The following RPH3AL variants were observed in gnomAD, a reference collection of about 807,000 sequenced individuals.
RPH3AL encodes the protein rab effector Noc2.
RPH3AL carries 38 observed loss-of-function variants against 43.1 expected under a neutral mutation model. That is an observed-to-expected ratio of 0.88 (90% CI 0.68 to 1.15). The LOEUF is 1.15. Among genes scored for constraint, RPH3AL ranks in the 50% most tolerant of loss-of-function variants. RPH3AL has a pLI of 0.00. For missense variants in RPH3AL, 462 were observed against 423.2 expected, an observed-to-expected ratio of 1.09 and a Z score of -0.81; for synonymous variants, 189 against 176.3, an observed-to-expected ratio of 1.07 and a Z score of -0.57.
At chr17:319,781 A>T (rs1237921733) in intron 4 of RPH3AL, among the ~76,000 whole-genome samples, 2 of 147,970 alleles carry the variant, frequency 1.4e-5, no homozygotes, top group Non-Finnish European at 3.0e-5. Flanking sequence ...CCAGAGACAG[A>T]CATGGTCCCT....
intron 6 of RPH3AL, among the ~76,000 whole-genome samples, chr17:269,458 T>G (rs2151585203): frequency 6.6e-6 from 1 of 152,324 alleles, no homozygotes; most frequent in African/African-American, 2.4e-5. Flanking sequence ...TCCAAGGGCC[T>G]CGAACAGTGC....
intron 7 of RPH3AL, among the ~76,000 whole-genome samples, chr17:220,208 T>A (rs2040928277): frequency 6.7e-6 from 1 of 149,792 alleles, no homozygotes; most frequent in Non-Finnish European, 1.5e-5. Context: ...CTCCACTCAC[T>A]GAGACAATAG....
At chr17:350,777 C>T (rs2045338695) in intron 1 of RPH3AL, among the ~76,000 whole-genome samples, 1 of 152,208 alleles carries the variant, frequency 6.6e-6, no homozygotes, top group Non-Finnish European at 1.5e-5. Context: ...CCTCTGACCG[C>T]AGGCCCTGAT....
chr17:319,308 A>G, intron 5 of RPH3AL, 112 bp downstream of exon 5: 1 of 1,300,840 alleles, frequency 7.7e-7, no homozygotes, highest in Admixed American at 2.4e-5. Flanking sequence ...AGAGGATACC[A>G]CATGCCCAAC....
intron 2 of RPH3AL, chr17:331,761 G>T: frequency 1.6e-6 from 2 of 1,289,148 alleles, no homozygotes; most frequent in African/African-American, 3.0e-5. Flanking sequence ...CACCTCTTGG[G>T]CTCAGAGGGC....
At position 283,672 on chromosome 17, in the gene RPH3AL, G is replaced by A. The variant is rs997524618; in HGVS notation, c.352-1818C>T. ...AGCTCTCATGACCCCATGAGAGGGA[G>A]TGGGAGCATGTGGTCATATCTGTGC... On this transcript the variant is annotated intron_variant, in intron 5 of 9. Coordinates refer to ENST00000331302, the MANE Select transcript of RPH3AL (RefSeq NM_006987.4). This position sits in a 1 kb window ranked among gnomAD's most constrained non-coding sequence, Gnocchi z 4.2. 1.3e-5 allele frequency among the ~76,000 whole-genome samples: 2 copies of A among 152,124 alleles called. No homozygotes were observed. The highest frequency in any genetic ancestry group is 4.8e-5 in the African/African-American group (2 of 41,426).
chr17:223,967 C>T (rs2041051644), intron 7 of RPH3AL, among the ~76,000 whole-genome samples: 1 of 152,118 alleles, frequency 6.6e-6, no homozygotes, highest in African/African-American at 2.4e-5. Flanking sequence ...AAGGGTGCAC[C>T]CCCAGCAGAG....
rs2045252165 is a variant in RPH3AL, at chr17:347,131, A to G, written c.-213+5581T>C. Among the ~76,000 whole-genome samples the G allele has an allele frequency of 6.0e-5, 8 of 134,378 alleles. 2 individuals are homozygous for G. 88.2% of individuals were successfully genotyped at this position (134,378 alleles called of 152,430 possible). A position where few individuals can be genotyped will look rare whatever the true frequency, so the allele number is the denominator to read the frequency against. ...AAATTAGCCAGGCATGGTGGCAGGC[A>G]CCTGTAGTCCCAGCTATTCAGGAGG... On this transcript the variant is annotated intron_variant, in intron 1 of 9. Coordinates refer to ENST00000331302, the MANE Select transcript of RPH3AL (RefSeq NM_006987.4).
intron 7 of RPH3AL, among the ~76,000 whole-genome samples, chr17:238,006 G>A (rs1359349421): frequency 6.6e-6 from 1 of 152,136 alleles, no homozygotes; most frequent in Non-Finnish European, 1.5e-5. Flanking sequence ...AAATTAGCAG[G>A]TGCGGTGGTA....
chr17:274,255 G>A lies in RPH3AL; in HGVS notation c.438+7513C>T, dbSNP rs1204328498. Reference sequence around the variant, plus strand: ...CCAGCCCGGGGCCTCTGACAGCTCAGCACCAGGCTCCACATCAGGTGAGGG... The same window carrying A: ...CCAGCCCGGGGCCTCTGACAGCTCAACACCAGGCTCCACATCAGGTGAGGG... On this transcript the variant is annotated intron_variant, in intron 6 of 9. Coordinates refer to ENST00000331302, the MANE Select transcript of RPH3AL (RefSeq NM_006987.4). The surrounding 1 kb of genome is among the most constrained non-coding windows in gnomAD (Gnocchi z 4.7). Among the ~76,000 whole-genome samples, 1 of 152,240 alleles carries A rather than the reference G, an allele frequency of 6.6e-6. No individual in the cohort carries two copies. The highest frequency in any genetic ancestry group is 1.5e-5 in the Non-Finnish European group (1 of 68,040).
At chr17:334,762 C>A (rs1598156048) in intron 1 of RPH3AL, among the ~76,000 whole-genome samples, 1 of 97,340 alleles carries the variant, frequency 1.0e-5, no homozygotes, top group Admixed American at 1.2e-4. Context: ...CCCCCAGGGC[C>A]AGCCCATCCA....
At chr17:324,753 T>G (rs2044576580) in intron 3 of RPH3AL, among the ~76,000 whole-genome samples, 1 of 143,508 alleles carries the variant, frequency 7.0e-6, no homozygotes, top group African/African-American at 2.6e-5. Flanking sequence ...TGAGACAGAG[T>G]CTCGGTCTGT....
intron 6 of RPH3AL, among the ~76,000 whole-genome samples, chr17:250,182 A>C: frequency 7.5e-6 from 1 of 133,702 alleles, no homozygotes; most frequent in Non-Finnish European, 1.6e-5. Flanking sequence ...AGCCTTTACT[A>C]AGCTCCATCG....
chr17:259,705 C>T (rs1567592976), intron 6 of RPH3AL, among the ~76,000 whole-genome samples: 1 of 152,214 alleles, frequency 6.6e-6, no homozygotes, highest in African/African-American at 2.4e-5. Flanking sequence ...GACCCACAGC[C>T]GCCGTGGCGG....
At chr17:223,472 C>T (rs8078223) in intron 7 of RPH3AL, among the ~76,000 whole-genome samples, 75,340 of 151,898 alleles carry the variant, frequency 0.5, 18,952 homozygotes, top group African/African-American at 0.55. Flanking sequence ...GCTCTTATGC[C>T]AGGCACTTTG....
rs182580670 is a variant in RPH3AL at position 272,607 on chromosome 17, G to A, written c.438+9161C>T. On this transcript the variant is annotated intron_variant, in intron 6 of 9. Transcript: ENST00000331302. ...ACATCACACTCCAGGGACTGTTGTG[G>A]GGTGGGGGGAGGGGGGAGGGATAGC... Among the ~76,000 whole-genome samples, 144 of 102,288 alleles carry A rather than the reference G, an allele frequency of 1.4e-3. 1 individual carries two copies. Among genetic ancestry groups the A allele is most frequent in the African/African-American group, 4.5e-3 (116 of 25,938 alleles). 67.1% of individuals were successfully genotyped at this position (102,288 alleles called of 152,430 possible).
intron 6 of RPH3AL, among the ~76,000 whole-genome samples, chr17:251,422 C>T (rs536386501): frequency 1.3e-5 from 2 of 152,334 alleles, no homozygotes; most frequent in South Asian, 4.1e-4. Context: ...AACTGAGGCT[C>T]CAACAAGTTC....
intron 4 of RPH3AL, 145 bp downstream of exon 4, chr17:321,127 G>T: frequency 4.9e-6 from 5 of 1,025,964 alleles, no homozygotes; most frequent in South Asian, 4.7e-5. Flanking sequence ...GCACCCTTCA[G>T]CAAGGGCTGG....
intron 7 of RPH3AL, among the ~76,000 whole-genome samples, chr17:231,488 C>T (rs1263149652): frequency 6.6e-6 from 1 of 152,208 alleles, no homozygotes; most frequent in African/African-American, 2.4e-5. Flanking sequence ...GGACAGTTGG[C>T]CCTGGGAGAG....
Sources: gnomAD v4.1 joint callset for allele counts (sites outside exome capture counted in the v4.1 genomes callset) on GRCh38, gnomAD v4.1.1 for gene constraint, Gnocchi (gnomAD v3.1) non-coding constraint, MANE v1.5 for transcripts, NCBI Gene and HGNC (gene_info 2026-07-23, HGNC 2026-07-21) for gene names.